Variants in GALNT17 observed in about 807,000 individuals in gnomAD.
GALNT17 encodes UDP-GalNAc:polypeptide N-acetylgalactosaminyltransferase-like 3.
Under a neutral mutation model 63.7 loss-of-function variants are expected in GALNT17, and 29 were observed. The ratio of observed to expected loss-of-function variants is 0.46; its 90% CI spans 0.34 to 0.62. The LOEUF is 0.62. Ranked by LOEUF, GALNT17 falls within the 20% of genes least tolerant of loss-of-function variation. The probability of loss-of-function intolerance (pLI) is 0.01; values close to 1 mark genes in which losing one functional copy is unlikely to be tolerated. For missense variants in GALNT17, 603 were observed against 799.6 expected, an observed-to-expected ratio of 0.75 and a Z score of 2.97; for synonymous variants, 305 against 318.3, an observed-to-expected ratio of 0.96 and a Z score of 0.45.
chr7:71,447,328 G>A (rs570794176), intron 5 of GALNT17, among the ~76,000 whole-genome samples: 10 of 152,254 alleles, frequency 6.6e-5, no homozygotes, highest in East Asian at 3.9e-4. Flanking sequence ...AAAACACTGC[G>A]TACTGTTACA....
intron 5 of GALNT17, among the ~76,000 whole-genome samples, chr7:71,504,645 ATAGTTTACTTATTTACC>A (rs1244945643): frequency 3.9e-5 from 6 of 152,042 alleles, no homozygotes; most frequent in Non-Finnish European, 7.4e-5. Flanking sequence ...ACTTATTTAC[ATAGTTTACTTATTTACC>A]TAGTTTACTT....
At chr7:71,434,270 A>G (rs903371374) in intron 5 of GALNT17, among the ~76,000 whole-genome samples, 4 of 152,028 alleles carry the variant, frequency 2.6e-5, no homozygotes, top group African/African-American at 9.7e-5. Context: ...ATATACATCT[A>G]TCTTATGAGT....
At chr7:71,427,014 C>A (rs978619219) in intron 5 of GALNT17, among the ~76,000 whole-genome samples, 3 of 151,958 alleles carry the variant, frequency 2.0e-5, no homozygotes, top group Non-Finnish European at 2.9e-5. Flanking sequence ...TGATAATATA[C>A]CAATTATTAT....
intron 5 of GALNT17, among the ~76,000 whole-genome samples, chr7:71,428,594 A>G: frequency 6.6e-6 from 1 of 152,026 alleles, no homozygotes; most frequent in Non-Finnish European, 1.5e-5. Context: ...ATGCACCACC[A>G]TGCCCAGCTA....
chr7:71,207,540 G>T (rs977629354), intron 1 of GALNT17, among the ~76,000 whole-genome samples: 8 of 151,472 alleles, frequency 5.3e-5, no homozygotes, highest in Non-Finnish European at 1.0e-4. Context: ...AAAGTGGAGG[G>T]TAAGGATGAT....
In GALNT17 at chr7:71,670,039, A is replaced by G; in HGVS notation, c.1334A>G (p.Asn445Ser). The change falls in exon 8 of 11, where the codon AAT becomes AGT. Residue 445 changes from asparagine to serine, a missense_variant. Asn to Ser is a conservative substitution (Grantham distance 46). This residue lies in a region of GALNT17 where 336 missense variants were observed against 507.8 expected (regional missense o/e 0.66). Transcript: ENST00000333538. ...TTAAGGAAAAGTTTAAAGTGTAAGA[A>G]TTTCCAGTGGTACCTGGACCATGTT... ...RALRKSLKCK[N>S]FQWYLDHVYP... 1 of 1,614,188 alleles carries G rather than the reference A, an allele frequency of 6.2e-7. No individual in the cohort carries two copies. The highest frequency in any genetic ancestry group is 8.5e-7 in the Non-Finnish European group (1 of 1,180,034).
At chr7:71,495,923 C>T (rs1788086633) in intron 5 of GALNT17, among the ~76,000 whole-genome samples, 2 of 152,112 alleles carry the variant, frequency 1.3e-5, no homozygotes, top group South Asian at 2.1e-4. Context: ...TAAATGATGT[C>T]CTTGAGAAGC....
intron 1 of GALNT17, among the ~76,000 whole-genome samples, chr7:71,137,657 T>G (rs73359593): frequency 0.045 from 6,885 of 152,086 alleles, 514 homozygotes; most frequent in African/African-American, 0.15. Flanking sequence ...AGAGAGACAG[T>G]GTGAGGAAGC....
chr7:71,318,816 C>T (rs1158188948), intron 1 of GALNT17, among the ~76,000 whole-genome samples: 5 of 152,118 alleles, frequency 3.3e-5, no homozygotes, highest in Admixed American at 6.5e-5. Flanking sequence ...TTCATGAAAC[C>T]CCTAAAGGCT....
chr7:71,170,884 G>A (rs73361776), intron 1 of GALNT17, among the ~76,000 whole-genome samples: 1 of 151,690 alleles, frequency 6.6e-6, no homozygotes, highest in Non-Finnish European at 1.5e-5. Flanking sequence ...TTACTTTATA[G>A]CTATTTTAAA....
intron 1 of GALNT17, among the ~76,000 whole-genome samples, chr7:71,202,395 C>T (rs1789192015): frequency 6.6e-6 from 1 of 152,124 alleles, no homozygotes; most frequent in Non-Finnish European, 1.5e-5. Flanking sequence ...GTGAAGTCTG[C>T]ATTGTTTTAA....
intron 1 of GALNT17, among the ~76,000 whole-genome samples, chr7:71,175,084 C>CT (rs987319152): frequency 3.3e-5 from 5 of 152,222 alleles, no homozygotes; most frequent in Non-Finnish European, 5.9e-5. Flanking sequence ...CTATATCTAT[C>CT]TATCTATCCA....
rs527671315 is a variant in GALNT17 at position 71,184,625 on chromosome 7, C to G, written c.238+51585C>G. On this transcript the variant is annotated intron_variant, in intron 1 of 10. Transcript: ENST00000333538. ...TGGCCCAGCTCTTAGACTTCCCTTC[C>G]TCTCTCCCAAGGTGGGAAATAGCTT... Among the ~76,000 whole-genome samples the G allele has an allele frequency of 3.3e-5, 5 of 152,308 alleles. No individual in the cohort carries two copies. In the South Asian group the frequency reaches 8.3e-4, roughly 25 times the overall value.
intron 1 of GALNT17, among the ~76,000 whole-genome samples, chr7:71,136,263 C>T (rs997838882): frequency 6.6e-6 from 1 of 152,096 alleles, no homozygotes. Context: ...TCATTGCTCC[C>T]GAGGGTGGAG....
At chr7:71,578,864 G>A (rs1357291720) in intron 6 of GALNT17, among the ~76,000 whole-genome samples, 1 of 152,100 alleles carries the variant, frequency 6.6e-6, no homozygotes, top group Non-Finnish European at 1.5e-5. Flanking sequence ...TGTTAACCAA[G>A]AGAGATTTCC....
chr7:71,464,984 A>G (rs1787511381), intron 5 of GALNT17, among the ~76,000 whole-genome samples: 1 of 152,208 alleles, frequency 6.6e-6, no homozygotes, highest in South Asian at 2.1e-4. Context: ...ATGGTGGACT[A>G]GCATTCTAAA....
intron 3 of GALNT17, among the ~76,000 whole-genome samples, chr7:71,415,300 TTTAG>T (rs1380064912): frequency 1.3e-5 from 2 of 152,324 alleles, no homozygotes; most frequent in East Asian, 3.9e-4. Flanking sequence ...ATAGAATTAA[TTTAG>T]TTAATTAATG....
intron 1 of GALNT17, among the ~76,000 whole-genome samples, chr7:71,162,119 CCCTCCCTTCCTT>C (rs1478068253): frequency 3.2e-4 from 11 of 34,494 alleles, no homozygotes; most frequent in Admixed American, 3.4e-4. Flanking sequence ...CTCCCTCCCT[CCCTCCCTTCCTT>C]CCTTCCTTCC....
At chr7:71,514,565 C>A (rs1310045450) in intron 5 of GALNT17, among the ~76,000 whole-genome samples, 1 of 152,152 alleles carries the variant, frequency 6.6e-6, no homozygotes, top group East Asian at 1.9e-4. Flanking sequence ...CATCATCCAT[C>A]TCTTTTGGTA....
Sources: gnomAD v4.1 joint callset for allele counts (sites outside exome capture counted in the v4.1 genomes callset) on GRCh38, gnomAD v4.1.1 for gene constraint, gnomAD v4.1.1 regional missense constraint, MANE v1.5 for transcripts, NCBI Gene and HGNC (gene_info 2026-07-23, HGNC 2026-07-21) for gene names.